Variants in PKIB observed in about 807,000 individuals in gnomAD.
PKIB encodes the protein PKI-beta.
Under a neutral mutation model 4.5 loss-of-function variants are expected in PKIB, and 2 were observed. The observed-to-expected ratio is 0.44, with a 90% confidence interval of 0.18 to 1.39. PKIB has a LOEUF of 1.39. PKIB is among the 40% of genes most tolerant of loss of function. The pLI, the probability that PKIB is intolerant of heterozygous loss-of-function variation, is 0.27. For synonymous variants in PKIB, 38 were observed against 36.0 expected, an observed-to-expected ratio of 1.06 and a Z score of -0.20; for missense variants, 94 against 92.6, an observed-to-expected ratio of 1.02 and a Z score of -0.06.
intron 2 of PKIB, among the ~76,000 whole-genome samples, chr6:122,533,146 T>TTTATTTA (rs1777307450): frequency 1.2e-4 from 13 of 105,486 alleles, no homozygotes; most frequent in East Asian, 2.9e-4. Flanking sequence ...GCACAAAACT[T>TTTATTTA]TTTATTTATT....
intron 4 of PKIB, among the ~76,000 whole-genome samples, chr6:122,719,934 A>T (rs899302823): frequency 6.6e-6 from 1 of 152,218 alleles, no homozygotes; most frequent in Non-Finnish European, 1.5e-5. Context: ...ATAGGCTTAC[A>T]TAGGTAGATG....
rs1779566211 is a variant in PKIB at position 122,717,902 on chromosome 6, A to AGCT, written c.111_113dup (p.Ala38dup). 1 of 1,614,146 alleles carries AGCT rather than the reference A, an allele frequency of 6.2e-7. No individual in the cohort carries two copies. Among genetic ancestry groups the AGCT allele is most frequent in the African/African-American group, 1.3e-5 (1 of 75,056 alleles). On this transcript the variant is annotated inframe_insertion, in exon 4 of 5. Coordinates refer to ENST00000368452, the MANE Select transcript of PKIB (RefSeq NM_181795.3). ...ATGCCTTACCAGACATCCAGAGTTC[A>AGCT]GCTGCCACAGACGGAACCTCAGATT...
At chr6:122,558,629 T>G (rs1431422117) in intron 2 of PKIB, among the ~76,000 whole-genome samples, 2 of 152,240 alleles carry the variant, frequency 1.3e-5, no homozygotes, top group Non-Finnish European at 2.9e-5. Flanking sequence ...TCATGTATCT[T>G]CAACATTTCT....
intron 2 of PKIB, among the ~76,000 whole-genome samples, chr6:122,668,739 A>G (rs1228617484): frequency 6.6e-6 from 1 of 152,238 alleles, no homozygotes. Context: ...CAGGAATATT[A>G]GCACATCTCA....
intron 2 of PKIB, among the ~76,000 whole-genome samples, chr6:122,647,679 CA>C (rs1776380844): frequency 6.6e-6 from 1 of 152,110 alleles, no homozygotes; most frequent in South Asian, 2.1e-4. Context: ...ATAATAATGA[CA>C]AAAGAGGAAA....
At chr6:122,559,130 G>T (rs1335054341) in intron 2 of PKIB, among the ~76,000 whole-genome samples, 2 of 151,568 alleles carry the variant, frequency 1.3e-5, no homozygotes, top group Non-Finnish European at 2.9e-5. Context: ...TATGACAAAG[G>T]ACTGATATCC....
At position 122,626,073 on chromosome 6, in the gene PKIB, TATAGATAG is replaced by T. The variant is rs61494727; in HGVS notation, c.-160-7192_-160-7185del. Among the ~76,000 whole-genome samples the T allele has an allele frequency of 1.2e-3, 174 of 151,094 alleles. 1 individual carries two copies. Among genetic ancestry groups the T allele is most frequent in the Non-Finnish European group, 2.1e-3 (144 of 67,862 alleles). ...GACAGAGAGAGATCCAATTTCAAAA[TATAGATAG>T]ATAGATAGATAGATAGAGATAGATT... On this transcript the variant is annotated intron_variant, in intron 1 of 4. Coordinates refer to ENST00000368452, the MANE Select transcript of PKIB (RefSeq NM_181795.3).
intron 2 of PKIB, among the ~76,000 whole-genome samples, chr6:122,655,367 G>A (rs1776727582): frequency 6.6e-6 from 1 of 152,162 alleles, no homozygotes; most frequent in Non-Finnish European, 1.5e-5. Context: ...AGGTGACTAG[G>A]CCATGCAAGT....
At chr6:122,662,234 C>T (rs1356813879) in intron 2 of PKIB, among the ~76,000 whole-genome samples, 2 of 137,650 alleles carry the variant, frequency 1.5e-5, no homozygotes, top group Admixed American at 7.7e-5. Flanking sequence ...GTCACTTGTG[C>T]TTTGGTGTCA....
At chr6:122,545,808 TA>T (rs1256587475) in intron 2 of PKIB, among the ~76,000 whole-genome samples, 1 of 149,148 alleles carries the variant, frequency 6.7e-6, no homozygotes, top group Non-Finnish European at 1.5e-5. Context: ...GGAAAGAAAA[TA>T]AATGAATAAA....
At chr6:122,716,707 T>G (rs2115070488) in intron 3 of PKIB, among the ~76,000 whole-genome samples, 1 of 152,306 alleles carries the variant, frequency 6.6e-6, no homozygotes, top group South Asian at 2.1e-4. Context: ...GAATTGAAGT[T>G]ACTCCCTCCA....
chr6:122,655,145 A>G (rs761180927), intron 2 of PKIB, among the ~76,000 whole-genome samples: 3 of 152,122 alleles, frequency 2.0e-5, no homozygotes, highest in Non-Finnish European at 4.4e-5. Flanking sequence ...TTTAATTCCT[A>G]TGTATAAGTA....
chr6:122,631,470 G>T (rs1441852625), intron 1 of PKIB, among the ~76,000 whole-genome samples: 1 of 152,134 alleles, frequency 6.6e-6, no homozygotes, highest in Non-Finnish European at 1.5e-5. Flanking sequence ...AGACTTAAGA[G>T]TGTGATCACA....
At chr6:122,589,868 A>G (rs1773965660) in intron 3 of PKIB, among the ~76,000 whole-genome samples, 1 of 152,162 alleles carries the variant, frequency 6.6e-6, no homozygotes, top group Non-Finnish European at 1.5e-5. Context: ...CAGGAAACCA[A>G]TTTTCTTCAA....
At chr6:122,524,899 C>G (rs1288411680) in intron 2 of PKIB, among the ~76,000 whole-genome samples, 2 of 150,748 alleles carry the variant, frequency 1.3e-5, no homozygotes, top group Non-Finnish European at 3.0e-5. Context: ...TTTTTTTGAT[C>G]TTTTGTAAAA....
At chr6:122,503,671 C>G (rs903541939) in intron 2 of PKIB, among the ~76,000 whole-genome samples, 41 of 152,126 alleles carry the variant, frequency 2.7e-4, no homozygotes, top group African/African-American at 9.9e-4. Context: ...TGGGGTATTA[C>G]AAGGCAAAGT....
intron 3 of PKIB, among the ~76,000 whole-genome samples, chr6:122,696,354 C>T (rs1023587481): frequency 6.6e-6 from 1 of 152,120 alleles, no homozygotes; most frequent in East Asian, 1.9e-4. Flanking sequence ...AATGAGACCC[C>T]AGTCATTATT....
In PKIB at chr6:122,541,696, G is replaced by A. The variant is rs577387924; in HGVS notation, c.-247-44225G>A. On this transcript the variant is annotated intron_variant, in intron 2 of 6. Transcript: ENST00000392491. ...TCTTCTCGAGGAGTATCTTTGTGGC[G>A]TTCTCTGTATTTCCTGAATCTGAAT... Among the ~76,000 whole-genome samples, 30 of 151,774 alleles carry A rather than the reference G, an allele frequency of 2.0e-4. 2 individuals are homozygous for A. In the East Asian group the frequency reaches 2.3e-3, roughly 12 times the overall value.
chr6:122,633,641 C>T (rs895300992), intron 2 of PKIB, among the ~76,000 whole-genome samples: 1 of 152,148 alleles, frequency 6.6e-6, no homozygotes, highest in Non-Finnish European at 1.5e-5. Flanking sequence ...GATATTTCCA[C>T]TCTTAGCTGT....
Sources: allele counts gnomAD v4.1 joint callset (sites outside exome capture counted in the v4.1 genomes callset), GRCh38; gene constraint gnomAD v4.1.1; transcripts MANE v1.5; gene names NCBI Gene and HGNC (gene_info 2026-07-23, HGNC 2026-07-21).